The following SLC36A1 variants were observed in gnomAD, a reference collection of about 807,000 sequenced individuals.
SLC36A1 encodes solute carrier family 36 member 1.
SLC36A1 carries 30 observed loss-of-function variants against 47.5 expected under a neutral mutation model. That is an observed-to-expected ratio of 0.63 (90% CI 0.47 to 0.86). The LOEUF is 0.86. SLC36A1 is among the 40% of genes least tolerant of loss of function. The pLI is 0.00. For missense variants in SLC36A1, 517 were observed against 606.0 expected, an observed-to-expected ratio of 0.85 and a Z score of 1.54; for synonymous variants, 255 against 249.7, an observed-to-expected ratio of 1.02 and a Z score of -0.20.
the SLC36A1 span, chr5:151,554,448 C>G: frequency 1.1e-5 from 17 of 1,614,088 alleles, no homozygotes; most frequent in Admixed American, 1.2e-4. Context: ...GCCTCCTCAT[C>G]GCTGTCCTCG....
At chr5:151,376,395 CT>C in the SLC36A1 span, among the ~76,000 whole-genome samples, 3 of 152,010 alleles carry the variant, frequency 2.0e-5, no homozygotes, top group Admixed American at 6.6e-5. Context: ...TCCTTTTTAT[CT>C]TTTTTTGTTT....
chr5:151,393,961 T>C, the SLC36A1 span, among the ~76,000 whole-genome samples: 1 of 115,140 alleles, frequency 8.7e-6, no homozygotes, highest in Admixed American at 7.4e-5. Context: ...CCTTGCTAGG[T>C]TGGGGAAGTT....
intron 9 of SLC36A1, among the ~76,000 whole-genome samples, chr5:151,478,850 G>A (rs1758429858): frequency 6.6e-6 from 1 of 151,848 alleles, no homozygotes; most frequent in Non-Finnish European, 1.5e-5. Context: ...AAGACAAATT[G>A]TAGCACTCTG....
chr5:151,528,982 C>G, the SLC36A1 span, among the ~76,000 whole-genome samples: 2 of 152,146 alleles, frequency 1.3e-5, no homozygotes, highest in Non-Finnish European at 2.9e-5. Context: ...GAGACATTCT[C>G]TCAGGAGAGA....
At chr5:151,545,857 A>T in the SLC36A1 span, 1 of 1,614,256 alleles carries the variant, frequency 6.2e-7, no homozygotes, top group Non-Finnish European at 8.5e-7. Context: ...CTTTAAGAAC[A>T]TAGGAGCATT....
chr5:151,409,144 T>G, the SLC36A1 span, among the ~76,000 whole-genome samples: 1 of 151,108 alleles, frequency 6.6e-6, no homozygotes, highest in Admixed American at 6.6e-5. Context: ...GGACTACAGG[T>G]GCATGCCACT....
the SLC36A1 span, among the ~76,000 whole-genome samples, chr5:151,397,487 T>C: frequency 0.42 from 64,506 of 151,992 alleles, 14,063 homozygotes; most frequent in African/African-American, 0.53. Context: ...TACTGAGAAG[T>C]GGTAAGAATG....
At chr5:151,474,181 A>AGAGAGAAATT (rs1243935095) in intron 8 of SLC36A1, among the ~76,000 whole-genome samples, 3 of 124,980 alleles carry the variant, frequency 2.4e-5, no homozygotes, top group African/African-American at 1.6e-4. Flanking sequence ...AAAAAAAAAG[A>AGAGAGAAATT]AATTATCTTC....
At chr5:151,373,053 A>G in the SLC36A1 span, among the ~76,000 whole-genome samples, 1 of 152,016 alleles carries the variant, frequency 6.6e-6, no homozygotes, top group African/African-American at 2.4e-5. Context: ...CATCTCTATT[A>G]AAAAATATAA....
the SLC36A1 span, chr5:151,528,025 G>A: frequency 1.9e-6 from 3 of 1,614,222 alleles, no homozygotes; most frequent in South Asian, 2.2e-5. Context: ...TTGGCCACCT[G>A]TAGCTCCCCC....
At chr5:151,456,568 C>T (rs763007063) in intron 1 of SLC36A1, among the ~76,000 whole-genome samples, 1 of 152,052 alleles carries the variant, frequency 6.6e-6, no homozygotes, top group Non-Finnish European at 1.5e-5. Flanking sequence ...TTTCTCCCGG[C>T]CCTCTAGTGA....
At chr5:151,417,067 A>G in the SLC36A1 span, among the ~76,000 whole-genome samples, 1 of 152,216 alleles carries the variant, frequency 6.6e-6, no homozygotes, top group African/African-American at 2.4e-5. Context: ...CTGTGAGTCA[A>G]TTAAACCTCT....
At chr5:151,523,842 A>G in the SLC36A1 span, among the ~76,000 whole-genome samples, 53 of 152,328 alleles carry the variant, frequency 3.5e-4, no homozygotes, top group Admixed American at 7.2e-4. Context: ...GGTTTAGCCC[A>G]TAAACCTGTC....
chr5:151,351,666 T>C, the SLC36A1 span, among the ~76,000 whole-genome samples: 1 of 152,296 alleles, frequency 6.6e-6, no homozygotes, highest in African/African-American at 2.4e-5. Flanking sequence ...ATCATCATCA[T>C]CATCATACTG....
chr5:151,466,433 G>C (rs1041701453), intron 5 of SLC36A1, among the ~76,000 whole-genome samples: 1 of 152,158 alleles, frequency 6.6e-6, no homozygotes, highest in African/African-American at 2.4e-5. Flanking sequence ...CCCCTTAAAC[G>C]TCTGAGACGT....
At chr5:151,531,930 G>A in the SLC36A1 span, 15 of 1,614,064 alleles carry the variant, frequency 9.3e-6, no homozygotes, top group African/African-American at 5.3e-5. This position sits in a 1 kb window ranked among gnomAD's most constrained non-coding sequence, Gnocchi z 5.7. Context: ...AGTGGCCTTC[G>A]GCTGAATCCG....
chr5:151,433,445 A>T (rs1759574904), upstream of SLC36A1, among the ~76,000 whole-genome samples: 1 of 146,616 alleles, frequency 6.8e-6, no homozygotes, highest in Non-Finnish European at 1.5e-5. Flanking sequence ...CACCACATCC[A>T]GCTGTTTTTT....
chr5:151,512,287 G>A, the SLC36A1 span: 35 of 1,614,114 alleles, frequency 2.2e-5, no homozygotes, highest in African/African-American at 4.0e-5. The surrounding 1 kb of genome is among the most constrained non-coding windows in gnomAD (Gnocchi z 4.1). Flanking sequence ...CGTCTTGCCA[G>A]GGGCCAGCAG....
the SLC36A1 span, among the ~76,000 whole-genome samples, chr5:151,384,462 A>G: frequency 3.3e-5 from 5 of 152,204 alleles, no homozygotes; most frequent in Non-Finnish European, 7.3e-5. Flanking sequence ...GAATATTTTC[A>G]AGGCAAACAT....
Sources: gnomAD v4.1 joint callset for allele counts (sites outside exome capture counted in the v4.1 genomes callset) on GRCh38, gnomAD v4.1.1 for gene constraint, Gnocchi (gnomAD v3.1) non-coding constraint, MANE v1.5 for transcripts, NCBI Gene and HGNC (gene_info 2026-07-23, HGNC 2026-07-21) for gene names.